The following SNRPN variants were observed in gnomAD, a reference collection of about 807,000 sequenced individuals.
SNRPN encodes small nuclear ribonucleoprotein-associated protein N.
A neutral mutation model predicts 25.2 loss-of-function variants in SNRPN; 7 were observed. The ratio of observed to expected loss-of-function variants is 0.28; its 90% CI spans 0.16 to 0.52. The LOEUF is 0.52. SNRPN is among the 20% of genes least tolerant of loss of function. SNRPN has a pLI of 0.96. For synonymous variants in SNRPN, 124 were observed against 110.6 expected, an observed-to-expected ratio of 1.12 and a Z score of -0.76; for missense variants, 196 against 322.5, an observed-to-expected ratio of 0.61 and a Z score of 3.00.
rs968376697 is a variant in SNRPN, at chr15:24,904,449, G to A, written c.-504-15562G>A. On this transcript the variant is annotated intron_variant, in intron 2 of 11. Coordinates refer to the SNRPN transcript ENST00000400097. ...GCGGGTGGATCACCTGAGGTTAGGA[G>A]CTCAAGACCGGCCTGGCCAACATGG... Among the ~76,000 whole-genome samples, 8 of 152,240 alleles carry A rather than the reference G, an allele frequency of 5.3e-5. No homozygotes were observed. In the East Asian group the frequency reaches 1.4e-3, roughly 26 times the overall value.
At chr15:24,886,003 C>G (rs2057175317) in intron 1 of SNRPN, among the ~76,000 whole-genome samples, 2 of 152,154 alleles carry the variant, frequency 1.3e-5, no homozygotes, top group Non-Finnish European at 2.9e-5. Context: ...AGCCTCACTT[C>G]TCTTTCTCCA....
At chr15:24,908,855 TTC>T in intron 2 of SNRPN, 1 of 611,886 alleles carries the variant, frequency 1.6e-6, no homozygotes, top group Non-Finnish European at 2.8e-6. Flanking sequence ...TAATCTTTTT[TTC>T]TTTTTCTTTT....
At chr15:24,859,847 G>T (rs777331828) in intron 1 of SNRPN, among the ~76,000 whole-genome samples, 5 of 152,150 alleles carry the variant, frequency 3.3e-5, no homozygotes, top group Non-Finnish European at 5.9e-5. Flanking sequence ...TTCTGATGTT[G>T]CCATGGCATT....
At chr15:24,908,594 TGGAA>T (rs2059006435) in intron 2 of SNRPN, among the ~76,000 whole-genome samples, 1 of 31,946 alleles carries the variant, frequency 3.1e-5, no homozygotes, top group Admixed American at 3.4e-4. Flanking sequence ...GATTTGTTCC[TGGAA>T]AGAACAGAAC....
At chr15:24,877,815 G>A (rs753612506) in intron 1 of SNRPN, among the ~76,000 whole-genome samples, 4 of 152,328 alleles carry the variant, frequency 2.6e-5, no homozygotes, top group Admixed American at 1.3e-4. Flanking sequence ...TCGGGCCACT[G>A]CCTGGCGACA....
chr15:24,890,759 A>G (rs1379810850), intron 2 of SNRPN, among the ~76,000 whole-genome samples: 2 of 152,168 alleles, frequency 1.3e-5, no homozygotes, highest in Non-Finnish European at 2.9e-5. Flanking sequence ...GAAGACTCAC[A>G]TGTCATGTAA....
chr15:24,958,508 T>G (rs1251542299), intron 1 of SNRPN, among the ~76,000 whole-genome samples: 1 of 140,024 alleles, frequency 7.1e-6, no homozygotes, highest in Admixed American at 7.2e-5. Flanking sequence ...TTTTTTTTTT[T>G]TTTTTTTTTT....
At chr15:24,904,199 T>C (rs1200350063) in intron 2 of SNRPN, among the ~76,000 whole-genome samples, 2 of 152,222 alleles carry the variant, frequency 1.3e-5, no homozygotes, top group African/African-American at 4.8e-5. Context: ...TTCAGGCTAA[T>C]GCACAGTAAA....
chr15:24,877,697 A>ACACACACACACACACACACACACACACAC (rs1566858064), intron 1 of SNRPN, among the ~76,000 whole-genome samples: 1 of 113,838 alleles, frequency 8.8e-6, no homozygotes, highest in African/African-American at 3.2e-5. Flanking sequence ...CACACACACA[A>ACACACACACACACACACACACACACACAC]ACACACTAGC....
chr15:24,949,854 G>T (rs1195897732), intron 3 of SNRPN, among the ~76,000 whole-genome samples: 1 of 150,944 alleles, frequency 6.6e-6, no homozygotes, highest in Non-Finnish European at 1.5e-5. Context: ...TGGAGAACGG[G>T]TCTCACTCTG....
intron 2 of SNRPN, among the ~76,000 whole-genome samples, chr15:24,847,261 C>T (rs1420845593): frequency 6.6e-6 from 1 of 152,058 alleles, no homozygotes; most frequent in East Asian, 1.9e-4. Flanking sequence ...CCATGGCAAA[C>T]TTAATAACAA....
chr15:24,909,433 G>A, intron 2 of SNRPN: 3 of 1,591,856 alleles, frequency 1.9e-6, no homozygotes, highest in Non-Finnish European at 2.6e-6. Flanking sequence ...TTTCCACAAT[G>A]TATTCATCGC....
intron 2 of SNRPN, among the ~76,000 whole-genome samples, chr15:24,844,685 C>T (rs12905858): frequency 0.13 from 20,455 of 151,904 alleles, 1,599 homozygotes; most frequent in Non-Finnish European, 0.18. Flanking sequence ...CTATCATGCC[C>T]GGCTAATTTT....
intron 1 of SNRPN, among the ~76,000 whole-genome samples, chr15:24,958,465 C>G (rs1254972312): frequency 1.1e-5 from 1 of 93,464 alleles, no homozygotes; most frequent in South Asian, 4.6e-4. Context: ...CTCTCCATTT[C>G]TGGATGCTAG....
chr15:24,836,860 G>A (rs2051244833), intron 2 of SNRPN, among the ~76,000 whole-genome samples: 1 of 152,096 alleles, frequency 6.6e-6, no homozygotes, highest in African/African-American at 2.4e-5. Context: ...GTAATAAACT[G>A]GGAGGAACTT....
chr15:24,841,128 C>A (rs1470182956), intron 2 of SNRPN, among the ~76,000 whole-genome samples: 1 of 152,166 alleles, frequency 6.6e-6, no homozygotes, highest in Non-Finnish European at 1.5e-5. Context: ...CATGAGCCCC[C>A]ACGGCCAGCC....
chr15:24,910,655 C>T (rs556069930), intron 2 of SNRPN, among the ~76,000 whole-genome samples: 136 of 152,064 alleles, frequency 8.9e-4, no homozygotes, highest in Middle Eastern at 3.4e-3. Context: ...CCACCACACC[C>T]GGCTAATTTT....
intron 2 of SNRPN, among the ~76,000 whole-genome samples, chr15:24,918,413 TATATGTGTATATATAACATA>T (rs1284309517): frequency 7.6e-5 from 5 of 65,488 alleles, no homozygotes; most frequent in African/African-American, 2.3e-4. Context: ...TAACATAATA[TATATGTGTATATATAACATA>T]ATATATATGT....
chr15:24,898,692 C>T (rs556634883), intron 2 of SNRPN, among the ~76,000 whole-genome samples: 166 of 152,172 alleles, frequency 1.1e-3, no homozygotes, highest in Admixed American at 9.8e-4. Context: ...TTATTACAAA[C>T]TCAACTATCA....
Sources: gnomAD v4.1 joint callset for allele counts (sites outside exome capture counted in the v4.1 genomes callset) on GRCh38, gnomAD v4.1.1 for gene constraint, MANE v1.5 for transcripts, NCBI Gene and HGNC (gene_info 2026-07-23, HGNC 2026-07-21) for gene names.